Variants in FAAH2 observed in about 807,000 individuals in gnomAD.
FAAH2 encodes the protein fatty acid amide hydrolase 2.
In FAAH2, 60 loss-of-function variants were observed where a neutral mutation model predicts 36.9. The observed-to-expected ratio is 1.63, with a 90% CI of 1.32 to 2.02. The LOEUF (loss-of-function observed/expected upper bound fraction) is 2.02, where lower values mean the gene tolerates loss of function less well. FAAH2 is among the 30% of genes most tolerant of loss of function. The pLI is 0.00. For synonymous variants in FAAH2, 214 were observed against 143.8 expected, an observed-to-expected ratio of 1.49 and a Z score of -3.49; for missense variants, 689 against 397.5, an observed-to-expected ratio of 1.73 and a Z score of -6.23.
At chrX:57,154,594 A>AT in the FAAH2 span, among the ~76,000 whole-genome samples, 4 of 109,503 alleles carry the variant, frequency 3.7e-5, no homozygotes, top group Admixed American at 2.0e-4. Context: ...TTTTATTTTT[A>AT]TTTTTTTAAA....
intron 7 of FAAH2, among the ~76,000 whole-genome samples, chrX:57,405,566 A>G (rs1390552245): frequency 1.8e-5 from 2 of 108,329 alleles, no homozygotes; most frequent in Admixed American, 2.0e-4. Context: ...CGATGGCGGC[A>G]AACAGCAGTG....
the FAAH2 span, among the ~76,000 whole-genome samples, chrX:57,248,732 A>C: frequency 1.0e-5 from 1 of 96,500 alleles, no homozygotes; most frequent in Non-Finnish European, 2.1e-5. Context: ...CAGCCTGGGC[A>C]ACAAGAGCAA....
intron 10 of FAAH2, among the ~76,000 whole-genome samples, chrX:57,466,578 T>A (rs1354361640): frequency 9.1e-6 from 1 of 110,322 alleles, no homozygotes; most frequent in Non-Finnish European, 1.9e-5. Context: ...AACACTCCAA[T>A]CAAACGGCAA....
chrX:57,216,526 G>GTA, the FAAH2 span, among the ~76,000 whole-genome samples: 36 of 33,719 alleles, frequency 1.1e-3, 2 homozygotes, highest in South Asian at 2.7e-3. Context: ...ATACGTATAT[G>GTA]TATATATATA....
intron 7 of FAAH2, among the ~76,000 whole-genome samples, chrX:57,428,429 G>T (rs999925398): frequency 5.4e-5 from 6 of 111,541 alleles, no homozygotes; most frequent in Non-Finnish European, 1.1e-4. Flanking sequence ...AGCTTGCATA[G>T]CCAAAACAAT....
intron 7 of FAAH2, among the ~76,000 whole-genome samples, chrX:57,383,336 C>T (rs984774069): frequency 1.8e-5 from 2 of 111,778 alleles, no homozygotes; most frequent in African/African-American, 6.5e-5. Flanking sequence ...GGAAATCAGG[C>T]AGCAGAAGGA....
rs1405082391 is a variant in FAAH2, at chrX:57,448,580, A to G, written c.1285A>G (p.Lys429Glu). The G allele has an allele frequency of 8.3e-7, 1 of 1,211,548 alleles. No individual in the cohort carries two copies. The highest frequency in any genetic ancestry group is 2.2e-5 in the Admixed American group (1 of 45,980). Residue 429 changes from lysine (K) to glutamate (E), a missense_variant, in exon 10 of 11, where the codon AAG becomes GAG. Coordinates refer to ENST00000374900, the MANE Select transcript of FAAH2 (RefSeq NM_174912.4). Reference protein sequence around the residue: ...RYSNEKYQKFKAVEESLRKEL... With the variant: ...RYSNEKYQKFEAVEESLRKEL... ...TAGCAATGAGAAATACCAAAAGTTTAAGGCAGTGGAAGAAAGCCTGCGTAA... is the reference window on the plus strand; with the variant it reads ...TAGCAATGAGAAATACCAAAAGTTTGAGGCAGTGGAAGAAAGCCTGCGTAA...
intron 3 of FAAH2, among the ~76,000 whole-genome samples, chrX:57,326,329 GAGAGTTCTGTAGGTGTCT>G (rs2053215076): frequency 1.8e-5 from 2 of 113,799 alleles, no homozygotes; most frequent in Admixed American, 9.1e-5. Context: ...ATTTGGGGTG[GAGAGTTCTGTAGGTGTCT>G]ATTAGGTCCG....
chrX:57,442,808 G>C (rs1356523155), intron 8 of FAAH2, among the ~76,000 whole-genome samples: 1 of 111,454 alleles, frequency 9.0e-6, no homozygotes, highest in African/African-American at 3.3e-5. Context: ...AGGCCTGGTG[G>C]TGACAAAATC....
the FAAH2 span, among the ~76,000 whole-genome samples, chrX:57,194,926 A>G: frequency 3.6e-5 from 4 of 111,491 alleles, no homozygotes; most frequent in African/African-American, 1.3e-4. Flanking sequence ...ATTTCTTTGT[A>G]TAGCTCAGTA....
chrX:57,426,199 T>C (rs1221207405), intron 7 of FAAH2, among the ~76,000 whole-genome samples: 1 of 111,922 alleles, frequency 8.9e-6, no homozygotes, highest in Non-Finnish European at 1.9e-5. Flanking sequence ...TATATAATGA[T>C]AAATGGATCA....
chrX:57,240,542 C>T, the FAAH2 span, among the ~76,000 whole-genome samples: 3 of 111,479 alleles, frequency 2.7e-5, no homozygotes, highest in South Asian at 1.1e-3. Context: ...AGTGTGTATC[C>T]AAGCAGTGGC....
At chrX:57,473,537 C>T (rs920363237) in intron 10 of FAAH2, among the ~76,000 whole-genome samples, 13 of 111,256 alleles carry the variant, frequency 1.2e-4, no homozygotes, top group African/African-American at 3.6e-4. Context: ...ATGACTACTA[C>T]GTCCATTTGA....
chrX:57,227,204 C>T, the FAAH2 span, among the ~76,000 whole-genome samples: 24 of 110,374 alleles, frequency 2.2e-4, no homozygotes, highest in African/African-American at 6.3e-4. Context: ...GAACTCGGGT[C>T]GGGGGGTGTT....
intron 10 of FAAH2, among the ~76,000 whole-genome samples, chrX:57,450,307 T>C (rs1349177510): frequency 9.1e-6 from 1 of 110,087 alleles, no homozygotes; most frequent in Non-Finnish European, 1.9e-5. Context: ...CCAGAAATTC[T>C]ATACATTATC....
At chrX:57,458,062 A>G (rs772602232) in intron 10 of FAAH2, among the ~76,000 whole-genome samples, 23 of 112,033 alleles carry the variant, frequency 2.1e-4, no homozygotes, top group African/African-American at 7.1e-4. Context: ...TAAGGCTACA[A>G]TAATCAAAAC....
At chrX:57,418,986 T>C (rs1418315135) in intron 7 of FAAH2, among the ~76,000 whole-genome samples, 9 of 104,971 alleles carry the variant, frequency 8.6e-5, no homozygotes, top group Admixed American at 7.3e-4. Context: ...TTTGTCCTTG[T>C]GATAGTTTAC....
chrX:57,284,885 A>T (rs1206559696), upstream of FAAH2, among the ~76,000 whole-genome samples: 1 of 112,225 alleles, frequency 8.9e-6, no homozygotes, highest in Non-Finnish European at 1.9e-5. Context: ...GGTCAAAAAC[A>T]TAATGAGTGC....
chrX:57,191,624 C>T, the FAAH2 span, among the ~76,000 whole-genome samples: 23 of 111,770 alleles, frequency 2.1e-4, no homozygotes, highest in Non-Finnish European at 4.1e-4. Flanking sequence ...AGTTTGAGGT[C>T]TCATTGAAGT....
Sources: gnomAD v4.1 joint callset for allele counts (sites outside exome capture counted in the v4.1 genomes callset) on GRCh38, gnomAD v4.1.1 for gene constraint, MANE v1.5 for transcripts, NCBI Gene and HGNC (gene_info 2026-07-23, HGNC 2026-07-21) for gene names.